Variants in GRB10 observed in about 807,000 individuals in gnomAD.
GRB10 encodes the protein growth factor receptor-bound protein 10.
GRB10 carries 20 observed loss-of-function variants against 80.9 expected under a neutral mutation model. The observed-to-expected ratio is 0.25, with a 90% CI of 0.17 to 0.36. The LOEUF (loss-of-function observed/expected upper bound fraction) is 0.36. Among genes scored for constraint, GRB10 ranks in the 10% least tolerant of loss-of-function variants. The pLI, the probability that GRB10 is intolerant of heterozygous loss-of-function variation, is 1.00. For missense variants in GRB10, 548 were observed against 747.7 expected (o/e 0.73, Z 3.12); for synonymous variants, 291 against 291.5 (o/e 1.00, Z 0.02).
At chr7:50,606,912 G>A (rs1381416741) in intron 13 of GRB10, 1 of 174,368 alleles carries the variant, frequency 5.7e-6, no homozygotes, top group Non-Finnish European at 1.2e-5. Context: ...AGTTTTTCTT[G>A]TCATGTCGTG....
intron 3 of GRB10, among the ~76,000 whole-genome samples, chr7:50,743,896 G>A (rs2072359565): frequency 6.6e-6 from 1 of 152,190 alleles, no homozygotes; most frequent in African/African-American, 2.4e-5. Flanking sequence ...GAAAACTTGA[G>A]CAAAGGTAAC....
intron 6 of GRB10, among the ~76,000 whole-genome samples, chr7:50,671,200 G>A (rs78771353): frequency 0.011 from 1,726 of 152,220 alleles, 31 homozygotes; most frequent in African/African-American, 0.039. Context: ...TCAAGGAGAG[G>A]GGAGCAAACC....
rs549405290 is a variant in GRB10, at chr7:50,619,373, C to G, written c.662-88G>C. On this transcript the variant is annotated intron_variant, in intron 8 of 18. Coordinates refer to ENST00000401949, the MANE Select transcript of GRB10 (RefSeq NM_001350814.2). ...CCAAATGGAAGATTTGTTCAACTTT[C>G]TATTCTTCTTTAAACATTATGAATA... 3.6e-6 allele frequency: 3 copies of G among 823,696 alleles called. No individual in the cohort carries two copies. In the African/African-American group the frequency reaches 5.0e-5, roughly 14 times the overall value. The allele number at this position is 823,696 out of a possible 1,614,324, so 51.0% of individuals were successfully genotyped here. A position where few individuals can be genotyped will look rare whatever the true frequency, so the allele number is the denominator to read the frequency against.
At position 50,593,119 on chromosome 7, in the gene GRB10, T is replaced by C. The variant is rs765754062; in HGVS notation, c.1639-21A>G. 1.2e-5 allele frequency: 20 copies of C among 1,613,824 alleles called. No individual in the cohort carries two copies. In the Admixed American group the frequency reaches 3.3e-4, roughly 27 times the overall value. On this transcript the variant is annotated intron_variant, in intron 18 of 18. Transcript: ENST00000401949. ...TCGCACTGGAGAGACACAAGAACAC[T>C]TGCCAGGTTAGAGGCTGCCACCTCA...
At chr7:50,745,850 C>T (rs890385358) in intron 3 of GRB10, among the ~76,000 whole-genome samples, 4 of 152,208 alleles carry the variant, frequency 2.6e-5, no homozygotes, top group African/African-American at 9.6e-5. Context: ...ATCACTCTTT[C>T]TAAACGCTAA....
chr7:50,702,214 A>G (rs1364640176), intron 5 of GRB10, among the ~76,000 whole-genome samples: 1 of 152,214 alleles, frequency 6.6e-6, no homozygotes, highest in Non-Finnish European at 1.5e-5. Context: ...CACATGCACT[A>G]CAATTCCTCC....
At chr7:50,728,870 C>A (rs10279988) in intron 4 of GRB10, among the ~76,000 whole-genome samples, 2 of 152,156 alleles carry the variant, frequency 1.3e-5, no homozygotes, top group Non-Finnish European at 2.9e-5. Flanking sequence ...AGGGTATCCC[C>A]ATGTTGGCCA....
At chr7:50,701,351 C>T (rs2064183185) in intron 5 of GRB10, among the ~76,000 whole-genome samples, 1 of 152,194 alleles carries the variant, frequency 6.6e-6, no homozygotes, top group Non-Finnish European at 1.5e-5. Context: ...AAACCAAGCA[C>T]TTCCAGTGGT....
intron 8 of GRB10, among the ~76,000 whole-genome samples, chr7:50,624,007 T>C (rs945648350): frequency 6.6e-6 from 1 of 152,332 alleles, no homozygotes; most frequent in African/African-American, 2.4e-5. Context: ...TCAGTAATAA[T>C]GTACTTTGTA....
At chr7:50,756,604 T>C (rs2075122556) in intron 2 of GRB10, among the ~76,000 whole-genome samples, 1 of 152,218 alleles carries the variant, frequency 6.6e-6, no homozygotes, top group Admixed American at 6.5e-5. Flanking sequence ...ATTCTGGCTC[T>C]GATCTTTGAT....
At position 50,614,835 on chromosome 7, in the gene GRB10, T is replaced by G; in HGVS notation, c.1030A>C (p.Ile344Leu). Residue 344 changes from isoleucine (I) to leucine (L), a missense_variant, in exon 12 of 19, where the codon ATC becomes CTC. Around this residue, in one of 4 missense-constraint regions of GRB10, gnomAD observed 270 missense variants for 433.6 expected, o/e 0.62. Coordinates refer to ENST00000401949, the MANE Select transcript of GRB10 (RefSeq NM_001350814.2). ...TTCCTGCCAGCGATCAGGGAGAAGA[T>G]GTTGCTGTCCTCCAGGTCGGCCAGC... ...QLLADLEDSN[I>L]FSLIAGRKQY... The G allele has an allele frequency of 6.2e-7, 1 of 1,614,088 alleles. No homozygotes were observed. The highest frequency in any genetic ancestry group is 1.7e-5 in the Admixed American group (1 of 60,022).
chr7:50,781,067 C>T (rs923822350), intron 1 of GRB10: 1 of 152,186 alleles, frequency 6.6e-6, no homozygotes, highest in Non-Finnish European at 1.5e-5. Context: ...TCATGCCAAT[C>T]GTGCAATTAC....
chr7:50,735,661 T>G (rs2070673787), intron 3 of GRB10, among the ~76,000 whole-genome samples: 1 of 152,184 alleles, frequency 6.6e-6, no homozygotes, highest in Non-Finnish European at 1.5e-5. Context: ...TATGAAAATC[T>G]TACCTTATGG....
At chr7:50,632,578 T>G (rs2054207632) in intron 7 of GRB10, among the ~76,000 whole-genome samples, 2 of 152,196 alleles carry the variant, frequency 1.3e-5, no homozygotes, top group Admixed American at 1.3e-4. Flanking sequence ...CAGAAGGGTG[T>G]GGCCTGATAG....
intron 3 of GRB10, chr7:50,747,556 G>C (rs1271228164): frequency 6.6e-6 from 1 of 152,216 alleles, no homozygotes; most frequent in African/African-American, 2.4e-5. Flanking sequence ...TTCACCCCCA[G>C]AGCTGACTGG....
chr7:50,732,355 C>T lies in GRB10; in HGVS notation c.-33G>A. On this transcript the variant is annotated 5_prime_UTR_variant, in exon 4 of 19. Transcript: ENST00000401949. The stretch of plus-strand genomic sequence containing the variant: ...TTCTGCCTTCTTCAAATTACATTTA[C>T]TGCGCTGCAGCACCTGGAATAAAGA... 6.3e-7 allele frequency: 1 copy of T among 1,597,630 alleles called. No homozygotes were observed. Among genetic ancestry groups the T allele is most frequent in the Non-Finnish European group, 8.6e-7 (1 of 1,165,246 alleles).
At chr7:50,718,892 T>C (rs1299833827) in intron 4 of GRB10, among the ~76,000 whole-genome samples, 1 of 152,164 alleles carries the variant, frequency 6.6e-6, no homozygotes, top group African/African-American at 2.4e-5. Context: ...GACACAGTCA[T>C]GGATAACCAA....
At chr7:50,661,830 G>A (rs2059311427) in intron 7 of GRB10, among the ~76,000 whole-genome samples, 1 of 152,192 alleles carries the variant, frequency 6.6e-6, no homozygotes, top group African/African-American at 2.4e-5. Context: ...TGGAACAGCT[G>A]CTTCTGGGTG....
intron 2 of GRB10, among the ~76,000 whole-genome samples, chr7:50,763,302 C>A (rs1392366264): frequency 6.6e-6 from 1 of 152,092 alleles, no homozygotes; most frequent in African/African-American, 2.4e-5. Context: ...TCACTAGGAG[C>A]CAGGGAGACA....
Sources: allele counts gnomAD v4.1 joint callset (sites outside exome capture counted in the v4.1 genomes callset), GRCh38; gene constraint gnomAD v4.1.1; regional missense constraint gnomAD v4.1.1; transcripts MANE v1.5; gene names NCBI Gene and HGNC (gene_info 2026-07-23, HGNC 2026-07-21).